Variants in CTBP2 observed in about 807,000 individuals in gnomAD.
The protein encoded by CTBP2 is C-terminal binding protein 2.
In CTBP2, 30 loss-of-function variants were observed where a neutral mutation model predicts 80.3. The ratio of observed to expected loss-of-function variants is 0.37; its 90% CI spans 0.28 to 0.51. The LOEUF (loss-of-function observed/expected upper bound fraction) is 0.51. CTBP2 is among the 20% of genes least tolerant of loss of function. The pLI is 0.93. For missense variants in CTBP2, 1,212 were observed against 1,375.3 expected (o/e 0.88, Z 1.88); for synonymous variants, 594 against 587.4 (o/e 1.01, Z -0.16).
chr10:125,091,642 G>A (rs1233871927), intron 2 of CTBP2, among the ~76,000 whole-genome samples: 2 of 152,172 alleles, frequency 1.3e-5, no homozygotes, highest in African/African-American at 2.4e-5. Flanking sequence ...GCATCGTGAT[G>A]CATGCCTGTG....
chr10:125,025,862 G>C (rs1024542672), intron 1 of CTBP2, among the ~76,000 whole-genome samples: 2 of 152,212 alleles, frequency 1.3e-5, no homozygotes, highest in Non-Finnish European at 2.9e-5. Flanking sequence ...AGAACAGGAG[G>C]GCACTGCTGC....
At chr10:125,118,589 T>C (rs1371823217) in intron 1 of CTBP2, among the ~76,000 whole-genome samples, 1 of 152,090 alleles carries the variant, frequency 6.6e-6, no homozygotes, top group East Asian at 1.9e-4. Flanking sequence ...TGTGAGCAAC[T>C]GGACCTGAGG....
chr10:125,103,204 A>C (rs1380906260), intron 2 of CTBP2, among the ~76,000 whole-genome samples: 3 of 152,180 alleles, frequency 2.0e-5, no homozygotes, highest in African/African-American at 7.2e-5. Context: ...CCAGCCTTCC[A>C]GACAGCTGCT....
intron 1 of CTBP2, among the ~76,000 whole-genome samples, chr10:125,144,286 C>T (rs747132455): frequency 2.6e-5 from 4 of 152,200 alleles, no homozygotes; most frequent in Non-Finnish European, 5.9e-5. Context: ...AATACACAAC[C>T]ATTCTCTGGA....
chr10:125,098,692 G>GAGAGAGAC (rs1564913949), intron 2 of CTBP2, among the ~76,000 whole-genome samples: 37 of 118,764 alleles, frequency 3.1e-4, no homozygotes, highest in East Asian at 1.2e-3. Context: ...GAGAGAGAGA[G>GAGAGAGAC]AGAGAGAGAG....
Position 125,003,250 on chromosome 10 carries a change from C to T in CTBP2, c.1833+88G>A, listed in dbSNP as rs1377468830. 3.7e-5 allele frequency: 59 copies of T among 1,585,044 alleles called. 1 individual carries two copies. The highest frequency in any genetic ancestry group is 1.8e-4 in the Middle Eastern group (1 of 5,460). On this transcript the variant is annotated intron_variant, in intron 2 of 8. Transcript: ENST00000309035. Reference sequence around the variant, plus strand: ...AGGGAACAGGGGTTCTGGGGCCTGCCGGTGACTTGGGGCGATCTAATGGGG... The same window carrying T: ...AGGGAACAGGGGTTCTGGGGCCTGCTGGTGACTTGGGGCGATCTAATGGGG...
At chr10:125,094,554 G>A (rs1849263274) in intron 2 of CTBP2, among the ~76,000 whole-genome samples, 1 of 152,198 alleles carries the variant, frequency 6.6e-6, no homozygotes, top group African/African-American at 2.4e-5. Context: ...AGTGTGACAA[G>A]GGCCATGGAA....
chr10:125,124,323 A>G (rs150381163), intron 1 of CTBP2, among the ~76,000 whole-genome samples: 1 of 152,304 alleles, frequency 6.6e-6, no homozygotes, highest in African/African-American at 2.4e-5. Flanking sequence ...ACTCGACGCT[A>G]GCACTCCCGG....
intron 2 of CTBP2, among the ~76,000 whole-genome samples, chr10:125,060,932 G>A (rs1405917108): frequency 1.3e-5 from 2 of 152,218 alleles, no homozygotes; most frequent in African/African-American, 4.8e-5. Flanking sequence ...GGTGACACCT[G>A]CAGACAGTTC....
intron 4 of CTBP2, 72 bp from the exon 7 acceptor site, chr10:124,994,755 C>A: frequency 6.8e-7 from 1 of 1,479,964 alleles, no homozygotes; most frequent in Admixed American, 1.7e-5. Flanking sequence ...TCCATTGCTT[C>A]TGAGCTGAGT....
intron 1 of CTBP2, among the ~76,000 whole-genome samples, chr10:125,124,277 C>T (rs1854839926): frequency 6.6e-6 from 1 of 152,150 alleles, no homozygotes; most frequent in Non-Finnish European, 1.5e-5. Flanking sequence ...TTTCCTGGGC[C>T]TCCCCTGCTG....
chr10:125,116,442 A>C (rs1853309967), intron 1 of CTBP2, among the ~76,000 whole-genome samples: 1 of 150,838 alleles, frequency 6.6e-6, no homozygotes, highest in African/African-American at 2.4e-5. Context: ...TTCTCCCCAC[A>C]CTCTGCCCCT....
intron 1 of CTBP2, among the ~76,000 whole-genome samples, chr10:125,010,952 G>T (rs1040345773): frequency 1.3e-5 from 2 of 152,196 alleles, no homozygotes; most frequent in African/African-American, 4.8e-5. Context: ...CACTAAAAAC[G>T]CCAGGATCTT....
At chr10:125,049,046 G>GACACAC (rs1178000125) in intron 2 of CTBP2, among the ~76,000 whole-genome samples, 5,136 of 89,416 alleles carry the variant, frequency 0.057, 202 homozygotes, top group African/African-American at 0.06. Flanking sequence ...CCTGACCACA[G>GACACAC]ACACACACAC....
rs139653789 is a variant in CTBP2, at chr10:125,127,077, G to C, written c.-205-15984C>G. 1.1e-4 allele frequency among the ~76,000 whole-genome samples: 16 copies of C among 152,332 alleles called. No individual in the cohort carries two copies. In the East Asian group the frequency reaches 2.7e-3, roughly 26 times the overall value. ...GAGTTCAAACAAGAAACAGCCGAGT[G>C]TTACACGAAGTAGGCACGGACGAAG... On this transcript the variant is annotated intron_variant, in intron 1 of 10. Coordinates refer to the CTBP2 transcript ENST00000337195.
At chr10:124,993,775 G>T in intron 6 of CTBP2, 80 bp downstream of exon 8, 1 of 1,505,942 alleles carries the variant, frequency 6.6e-7, no homozygotes, top group South Asian at 1.3e-5. Context: ...TTGGGAAAAG[G>T]GCCTCGAGTT....
intron 2 of CTBP2, among the ~76,000 whole-genome samples, chr10:125,057,902 C>G (rs1445560394): frequency 1.3e-5 from 2 of 152,160 alleles, no homozygotes; most frequent in Non-Finnish European, 2.9e-5. Flanking sequence ...TGGGTCCTGG[C>G]CGTCCCACTT....
chr10:125,117,135 G>A (rs551138990), intron 1 of CTBP2, among the ~76,000 whole-genome samples: 3 of 152,286 alleles, frequency 2.0e-5, no homozygotes, highest in South Asian at 4.1e-4. Flanking sequence ...GCGACATCCC[G>A]CTCCCTGGCC....
chr10:125,137,279 A>T (rs1857116147), intron 1 of CTBP2, among the ~76,000 whole-genome samples: 1 of 152,232 alleles, frequency 6.6e-6, no homozygotes, highest in Non-Finnish European at 1.5e-5. Flanking sequence ...TTCTGGGGGC[A>T]GCGGCTGTGG....
Sources: allele counts gnomAD v4.1 joint callset (sites outside exome capture counted in the v4.1 genomes callset), GRCh38; gene constraint gnomAD v4.1.1; transcripts MANE v1.5; gene names NCBI Gene and HGNC (gene_info 2026-07-23, HGNC 2026-07-21).